Variants in PXDNL observed in about 807,000 individuals in gnomAD.
PXDNL encodes the protein peroxidasin like, also known as probable oxidoreductase PXDNL.
PXDNL carries 145 observed loss-of-function variants against 150.8 expected under a neutral mutation model. The observed-to-expected ratio is 0.96, with a 90% CI of 0.84 to 1.10. PXDNL has a LOEUF of 1.10. PXDNL is among the 50% of genes least tolerant of loss of function. PXDNL has a pLI of 0.00. For missense variants in PXDNL, 2,087 were observed against 1,873.9 expected, an observed-to-expected ratio of 1.11 and a Z score of -2.10; for synonymous variants, 757 against 725.7, an observed-to-expected ratio of 1.04 and a Z score of -0.69.
At chr8:51,482,646 C>T (rs779778706) in intron 6 of PXDNL, among the ~76,000 whole-genome samples, 130 of 152,246 alleles carry the variant, frequency 8.5e-4, no homozygotes, top group Non-Finnish European at 1.3e-3. Flanking sequence ...CAGTTTCCCC[C>T]ATATTGTTCT....
chr8:51,769,287 C>G (rs1286527235), intron 1 of PXDNL, among the ~76,000 whole-genome samples: 1 of 152,190 alleles, frequency 6.6e-6, no homozygotes. Context: ...GAAGACTCAG[C>G]CAGCCCTGCA....
chr8:51,626,368 C>T (rs1315979260), intron 2 of PXDNL, among the ~76,000 whole-genome samples: 2 of 152,162 alleles, frequency 1.3e-5, no homozygotes, highest in Non-Finnish European at 2.9e-5. Flanking sequence ...TATCTCAATC[C>T]ATGCTTCTAA....
chr8:51,591,087 G>C (rs1813433609), intron 3 of PXDNL, among the ~76,000 whole-genome samples: 1 of 143,102 alleles, frequency 7.0e-6, no homozygotes, highest in African/African-American at 2.9e-5. Context: ...TATCATGGGA[G>C]TGGATTAGTG....
At chr8:51,399,911 G>A (rs114436187) in intron 17 of PXDNL, among the ~76,000 whole-genome samples, 48 of 152,252 alleles carry the variant, frequency 3.2e-4, no homozygotes, top group Middle Eastern at 3.4e-3. Context: ...CATATAATGA[G>A]GAACAACTGA....
intron 1 of PXDNL, among the ~76,000 whole-genome samples, chr8:51,670,429 A>G (rs1815474995): frequency 6.6e-6 from 1 of 152,218 alleles, no homozygotes; most frequent in Non-Finnish European, 1.5e-5. Flanking sequence ...CACACAAACT[A>G]TATAGTGTAT....
intron 4 of PXDNL, among the ~76,000 whole-genome samples, chr8:51,554,528 T>C (rs1164868644): frequency 6.6e-6 from 1 of 152,344 alleles, no homozygotes; most frequent in South Asian, 2.1e-4. Flanking sequence ...ATAAAGGTCA[T>C]CTTTAAATCA....
At chr8:51,726,179 CT>C (rs749357122) in intron 1 of PXDNL, among the ~76,000 whole-genome samples, 4 of 152,190 alleles carry the variant, frequency 2.6e-5, no homozygotes, top group Non-Finnish European at 5.9e-5. Flanking sequence ...CAAATCAGTT[CT>C]TGAATAGTTC....
intron 1 of PXDNL, among the ~76,000 whole-genome samples, chr8:51,662,283 G>T (rs1815291234): frequency 6.6e-6 from 1 of 152,192 alleles, no homozygotes; most frequent in African/African-American, 2.4e-5. Context: ...ACTTTGGGAG[G>T]CTGAGGCAGG....
chr8:51,427,009 T>C (rs1809122844), intron 12 of PXDNL, among the ~76,000 whole-genome samples: 1 of 152,234 alleles, frequency 6.6e-6, no homozygotes, highest in South Asian at 2.1e-4. Flanking sequence ...ATTTTTAACA[T>C]GCATCTCTTC....
Position 51,556,058 on chromosome 8 carries a change from G to A in PXDNL, c.380+782C>T, listed in dbSNP as rs141755949. On this transcript the variant is annotated intron_variant, in intron 4 of 22. Coordinates refer to ENST00000356297, the MANE Select transcript of PXDNL (RefSeq NM_144651.5). ...AATCTGAGGCGGGCAGATCTCTTGA[G>A]GCCAAAAGTTCAAGACCAGACTGGC... Among the ~76,000 whole-genome samples the A allele has an allele frequency of 2.1e-3, 312 of 152,136 alleles. 4 individuals are homozygous for A. The highest frequency in any genetic ancestry group is 7.1e-3 in the African/African-American group (296 of 41,504).
chr8:51,462,626 A>G (rs1041511165), intron 8 of PXDNL, among the ~76,000 whole-genome samples: 15 of 152,174 alleles, frequency 9.9e-5, no homozygotes, highest in African/African-American at 3.4e-4. Context: ...GAAGGAATAA[A>G]ATCTCTGAGA....
In PXDNL at chr8:51,497,671, C is replaced by T. The variant is rs568300836; in HGVS notation, c.452+2028G>A. 3.3e-5 allele frequency among the ~76,000 whole-genome samples: 5 copies of T among 152,246 alleles called. No individual in the cohort carries two copies. In the East Asian group the frequency reaches 9.7e-4, roughly 29 times the overall value. ...AAGACATTTATGCAGCCAACAGACA[C>T]TTAAAAAAATGCTCATCATCATTGG... On this transcript the variant is annotated intron_variant, in intron 5 of 22. Coordinates refer to ENST00000356297, the MANE Select transcript of PXDNL (RefSeq NM_144651.5).
intron 17 of PXDNL, among the ~76,000 whole-genome samples, chr8:51,387,469 C>T (rs894761492): frequency 1.3e-5 from 2 of 151,992 alleles, no homozygotes; most frequent in African/African-American, 4.8e-5. Flanking sequence ...CCTCTATGTT[C>T]GGTAGGAAAA....
chr8:51,383,955 T>C (rs1179273054), intron 17 of PXDNL, among the ~76,000 whole-genome samples: 1 of 152,160 alleles, frequency 6.6e-6, no homozygotes, highest in East Asian at 1.9e-4. Flanking sequence ...TTATACATGC[T>C]CACCTGATTG....
intron 1 of PXDNL, among the ~76,000 whole-genome samples, chr8:51,753,013 G>A (rs912739763): frequency 2.0e-5 from 3 of 152,208 alleles, no homozygotes; most frequent in African/African-American, 4.8e-5. Flanking sequence ...CCAACATGCG[G>A]CTGCCTCCAG....
intron 2 of PXDNL, among the ~76,000 whole-genome samples, chr8:51,606,955 A>G (rs756869237): frequency 6.6e-6 from 1 of 152,170 alleles, no homozygotes; most frequent in Non-Finnish European, 1.5e-5. Context: ...ACAGTCTCCT[A>G]CAAAATCTTT....
At chr8:51,608,836 C>CA (rs59195880) in intron 2 of PXDNL, among the ~76,000 whole-genome samples, 5,392 of 58,986 alleles carry the variant, frequency 0.091, 586 homozygotes, top group African/African-American at 0.16. Context: ...GACTCTGTCT[C>CA]AAAAAAAAAA....
chr8:51,727,849 T>C (rs1816843487), intron 1 of PXDNL, among the ~76,000 whole-genome samples: 1 of 152,254 alleles, frequency 6.6e-6, no homozygotes, highest in Non-Finnish European at 1.5e-5. Flanking sequence ...CAGAGCACTC[T>C]GAGCTCTGCC....
chr8:51,640,546 C>T (rs1814724973), intron 2 of PXDNL, among the ~76,000 whole-genome samples: 1 of 152,180 alleles, frequency 6.6e-6, no homozygotes, highest in African/African-American at 2.4e-5. Context: ...CACAAGCATT[C>T]TTACACACCA....
Sources: allele counts gnomAD v4.1 joint callset (sites outside exome capture counted in the v4.1 genomes callset), GRCh38; gene constraint gnomAD v4.1.1; transcripts MANE v1.5; gene names NCBI Gene and HGNC (gene_info 2026-07-23, HGNC 2026-07-21).